The following PCOLCE2 variants were observed in gnomAD, a reference collection of about 807,000 sequenced individuals.
The protein encoded by PCOLCE2 is procollagen C-proteinase enhancer 2.
In PCOLCE2, 42 loss-of-function variants were observed where a neutral mutation model predicts 47.0. The observed-to-expected ratio is 0.89, with a 90% CI of 0.70 to 1.16. The LOEUF is 1.16. Ranked by LOEUF, PCOLCE2 falls within the 50% of genes most tolerant of loss-of-function variation. PCOLCE2 has a pLI of 0.00. For missense variants in PCOLCE2, 500 were observed against 526.1 expected, an observed-to-expected ratio of 0.95 and a Z score of 0.49; for synonymous variants, 169 against 191.7, an observed-to-expected ratio of 0.88 and a Z score of 0.98.
chr3:142,825,267 G>A (rs1937062859), intron 6 of PCOLCE2, among the ~76,000 whole-genome samples: 2 of 152,128 alleles, frequency 1.3e-5, no homozygotes, highest in Admixed American at 6.5e-5. Context: ...CTGGAAGTGG[G>A]GTGGGTGTCC....
In PCOLCE2 at chr3:142,847,984, T is replaced by G. The variant is rs534136407; in HGVS notation, c.448+233A>C. Among the ~76,000 whole-genome samples, 4 of 152,380 alleles carry G rather than the reference T, an allele frequency of 2.6e-5. No homozygotes were observed. The South Asian group carries it at 8.3e-4, about 32-fold the overall frequency. Reference sequence around the variant, plus strand: ...TGTGTTTGCATATTTGCATGTGTGCTTATGTATGTAAGCTCCACATTTTTA... The same window carrying G: ...TGTGTTTGCATATTTGCATGTGTGCGTATGTATGTAAGCTCCACATTTTTA... On this transcript the variant is annotated intron_variant, in intron 3 of 8. Transcript: ENST00000295992.
At chr3:142,852,842 T>A (rs1203844836) in intron 2 of PCOLCE2, among the ~76,000 whole-genome samples, 1 of 151,546 alleles carries the variant, frequency 6.6e-6, no homozygotes, top group African/African-American at 2.4e-5. Flanking sequence ...GCCAGGCTCA[T>A]GCTTGTAATC....
intron 2 of PCOLCE2, among the ~76,000 whole-genome samples, chr3:142,856,564 T>A (rs910477569): frequency 4.0e-5 from 6 of 151,700 alleles, no homozygotes; most frequent in Non-Finnish European, 7.4e-5. Context: ...GTCTGCCAAG[T>A]GGAAAGGCAA....
At chr3:142,824,678 C>T (rs750871646) in intron 6 of PCOLCE2, among the ~76,000 whole-genome samples, 3 of 152,146 alleles carry the variant, frequency 2.0e-5, no homozygotes, top group South Asian at 2.1e-4. Flanking sequence ...CTCGCTCTGT[C>T]GCCCAGGCTG....
intron 2 of PCOLCE2, among the ~76,000 whole-genome samples, chr3:142,862,609 G>C (rs1446548982): frequency 6.6e-6 from 1 of 152,102 alleles, no homozygotes; most frequent in Non-Finnish European, 1.5e-5. Flanking sequence ...TCTTTATTAG[G>C]ACATAATAAG....
Position 142,888,799 on chromosome 3 carries a change from C to T in PCOLCE2, c.83+15G>A. 4 of 1,457,236 alleles carry T rather than the reference C, an allele frequency of 2.7e-6. No homozygotes were observed. In the East Asian group the frequency reaches 8.2e-5, roughly 30 times the overall value. The allele number at this position is 1,457,236 out of a possible 1,614,324, so 90.3% of individuals were successfully genotyped here. ...GGAAAGGAGAGAAAGGGAGCCCGGG[C>T]AGGGGTCGCGTTACCTCTCTGGGGA... On this transcript the variant is annotated intron_variant, in intron 1 of 8. Coordinates refer to ENST00000295992, the MANE Select transcript of PCOLCE2 (RefSeq NM_013363.4).
chr3:142,854,126 G>A (rs564719750), intron 2 of PCOLCE2, among the ~76,000 whole-genome samples: 72 of 152,296 alleles, frequency 4.7e-4, no homozygotes, highest in Non-Finnish European at 8.1e-4. Flanking sequence ...TGCAGAAATG[G>A]GAATGCTCCT....
At chr3:142,827,110 C>T in intron 6 of PCOLCE2, 1 of 1,443,120 alleles carries the variant, frequency 6.9e-7, no homozygotes. Context: ...TTCTCTTTCT[C>T]CTGCACAGTC....
At chr3:142,867,044 G>A (rs1034727293) in intron 2 of PCOLCE2, among the ~76,000 whole-genome samples, 13 of 152,314 alleles carry the variant, frequency 8.5e-5, no homozygotes, top group African/African-American at 3.1e-4. Flanking sequence ...AAAAGGTTAG[G>A]GTGGGAGGGC....
intron 2 of PCOLCE2, among the ~76,000 whole-genome samples, chr3:142,882,972 G>A (rs990301920): frequency 5.3e-5 from 8 of 151,864 alleles, no homozygotes; most frequent in Non-Finnish European, 7.4e-5. Context: ...AGGCCGAGGC[G>A]GGTGGATCAC....
At chr3:142,863,762 T>C (rs1933227983) in intron 2 of PCOLCE2, 1 of 152,190 alleles carries the variant, frequency 6.6e-6, no homozygotes, top group Non-Finnish European at 1.5e-5. Context: ...CTAACTTTGC[T>C]TATAAATTCT....
At chr3:142,871,472 T>C (rs1336961065) in intron 2 of PCOLCE2, among the ~76,000 whole-genome samples, 3 of 152,202 alleles carry the variant, frequency 2.0e-5, no homozygotes, top group African/African-American at 7.2e-5. Flanking sequence ...GGCTAGACTA[T>C]AGGAAGTGCT....
At chr3:142,878,949 CT>C (rs1933553602) in intron 2 of PCOLCE2, among the ~76,000 whole-genome samples, 1 of 151,902 alleles carries the variant, frequency 6.6e-6, no homozygotes, top group African/African-American at 2.4e-5. Context: ...AGACTGTTCC[CT>C]TTTTTACTGT....
In PCOLCE2 at chr3:142,848,201, T is replaced by C. The variant is rs1937348860; in HGVS notation, c.448+16A>G. 1 of 1,609,582 alleles carries C rather than the reference T, an allele frequency of 6.2e-7. No homozygotes were observed. Among genetic ancestry groups the C allele is most frequent in the Non-Finnish European group, 8.5e-7 (1 of 1,176,154 alleles). On this transcript the variant is annotated intron_variant, in intron 3 of 8. Transcript: ENST00000295992. ...CCAACATTACTGTTGTTATTGCCATTATGTGGAAACAGTACCTCTTTCGTT... is the reference window on the plus strand; with the variant it reads ...CCAACATTACTGTTGTTATTGCCATCATGTGGAAACAGTACCTCTTTCGTT...
chr3:142,888,793 C>T, intron 1 of PCOLCE2, 21 bp downstream of exon 1: 4 of 1,421,072 alleles, frequency 2.8e-6, no homozygotes, highest in East Asian at 2.8e-5. Flanking sequence ...AGAAAGGGAG[C>T]CCGGGCAGGG....
At chr3:142,855,324 G>A (rs765347948) in intron 2 of PCOLCE2, among the ~76,000 whole-genome samples, 75 of 133,220 alleles carry the variant, frequency 5.6e-4, no homozygotes, top group Non-Finnish European at 9.6e-4. Context: ...ATAAATGACT[G>A]CGATCCTTAT....
intron 6 of PCOLCE2, chr3:142,827,266 A>G: frequency 8.0e-7 from 1 of 1,244,178 alleles, no homozygotes; most frequent in Non-Finnish European, 1.2e-6. Context: ...TCATGGCCAC[A>G]TCCCATACTC....
At position 142,823,572 on chromosome 3, in the gene PCOLCE2, C is replaced by A. The variant is rs373724718; in HGVS notation, c.909G>T (p.Arg303=). The stretch of plus-strand genomic sequence containing the variant: ...AATAATTGCCCTCCAGAGTCCCCGT[C>A]CGTCTACACTTTTGTTGACACAAGG... The part of the protein sequence containing the change: ...TVALCQQKCR[R]TGTLEGNYCS... Residue 303 remains arginine, a synonymous_variant, in exon 7 of 9, where the codon CGG becomes CGT. Coordinates refer to ENST00000295992, the MANE Select transcript of PCOLCE2 (RefSeq NM_013363.4). The A allele has an allele frequency of 1.2e-5, 19 of 1,611,382 alleles. No homozygotes were observed. The highest frequency in any genetic ancestry group is 1.6e-5 in the Non-Finnish European group (19 of 1,177,884).
intron 4 of PCOLCE2, among the ~76,000 whole-genome samples, chr3:142,839,228 C>G (rs1012258251): frequency 6.6e-6 from 1 of 152,088 alleles, no homozygotes; most frequent in African/African-American, 2.4e-5. Flanking sequence ...TACTTTAAGA[C>G]TATAATTGGT....
Sources: gnomAD v4.1 joint callset for allele counts (sites outside exome capture counted in the v4.1 genomes callset) on GRCh38, gnomAD v4.1.1 for gene constraint, MANE v1.5 for transcripts, NCBI Gene and HGNC (gene_info 2026-07-23, HGNC 2026-07-21) for gene names.